Variants in PARN observed in about 807,000 individuals in gnomAD.
PARN encodes poly(A)-specific ribonuclease PARN.
PARN carries 71 observed loss-of-function variants against 102.8 expected under a neutral mutation model. That is an observed-to-expected ratio of 0.69 (90% confidence interval 0.57 to 0.84). PARN has a LOEUF of 0.84. Among genes scored for constraint, PARN ranks in the 40% least tolerant of loss-of-function variants. The probability of loss-of-function intolerance (pLI) is 0.00; values close to 1 mark genes in which losing one functional copy is unlikely to be tolerated. For missense variants in PARN, 782 were observed against 760.9 expected (o/e 1.03, Z -0.33); for synonymous variants, 261 against 252.9 (o/e 1.03, Z -0.30).
intron 18 of PARN, among the ~76,000 whole-genome samples, chr16:14,572,572 T>C (rs545297194): frequency 1.3e-5 from 2 of 152,230 alleles, no homozygotes; most frequent in Non-Finnish European, 2.9e-5. Flanking sequence ...ACAGCTGTTA[T>C]GTATACCTAT....
In PARN at chr16:14,584,402, G is replaced by T; in HGVS notation, c.1026C>A (p.Ser342=). 6.2e-7 allele frequency: 1 copy of T among 1,613,020 alleles called. No individual in the cohort carries two copies. The highest frequency in any genetic ancestry group is 2.2e-5 in the East Asian group (1 of 44,840). ...QPFKDIINNT[S]LAELEKRLKE... is the part of the protein sequence containing the mutation. The stretch of plus-strand genomic sequence containing the variant: ...TTAACCGCTTTTCCAATTCCGCAAG[G>T]GATGTGTTGTTAATGATATCCTGCA... The change falls in exon 16 of 24, where the codon TCC becomes TCA. Residue 342 remains serine, a synonymous_variant. Transcript: ENST00000437198.
intron 21 of PARN, among the ~76,000 whole-genome samples, chr16:14,485,774 G>A (rs1386700319): frequency 4.0e-5 from 6 of 151,856 alleles, no homozygotes; most frequent in Non-Finnish European, 8.8e-5. Context: ...TGCAACCTCC[G>A]CCTCCCGGGT....
intron 21 of PARN, among the ~76,000 whole-genome samples, chr16:14,524,173 C>T (rs1439186317): frequency 6.6e-6 from 1 of 152,148 alleles, no homozygotes; most frequent in Non-Finnish European, 1.5e-5. Context: ...TTTTCTTACC[C>T]TAAGACACTT....
chr16:14,507,447 A>G (rs1467350503), intron 21 of PARN, among the ~76,000 whole-genome samples: 1 of 152,136 alleles, frequency 6.6e-6, no homozygotes, highest in Admixed American at 6.6e-5. Context: ...CTGTAATCCC[A>G]GCATTTTGGG....
At chr16:14,513,581 GCCTA>G (rs1965310497) in intron 21 of PARN, among the ~76,000 whole-genome samples, 1 of 152,140 alleles carries the variant, frequency 6.6e-6, no homozygotes, top group Non-Finnish European at 1.5e-5. Flanking sequence ...TCTGCACATG[GCCTA>G]CCTGTCTTCC....
intron 21 of PARN, among the ~76,000 whole-genome samples, chr16:14,500,537 G>A (rs1182298569): frequency 6.6e-6 from 1 of 152,070 alleles, no homozygotes; most frequent in Non-Finnish European, 1.5e-5. Context: ...AGGGCTATAG[G>A]CACGTGCCAC....
At chr16:14,604,363 C>G (rs893212923) in intron 10 of PARN, 137 bp from the exon 11 acceptor site, 9 of 606,816 alleles carry the variant, frequency 1.5e-5, no homozygotes, top group Admixed American at 3.0e-5. Context: ...TGGGTTCAAG[C>G]GATTATCTTA....
At chr16:14,522,430 C>G (rs1010252631) in intron 21 of PARN, among the ~76,000 whole-genome samples, 36 of 152,120 alleles carry the variant, frequency 2.4e-4, no homozygotes, top group African/African-American at 8.5e-4. Flanking sequence ...AATCTAGCTA[C>G]CTGGGAGGTT....
Position 14,503,555 on chromosome 16 carries a change from G to A in PARN, c.1481-20728C>T, listed in dbSNP as rs140701572. On this transcript the variant is annotated intron_variant, in intron 21 of 23. Transcript: ENST00000437198. ...TACCTGTGGACACAACAGAAAGGTG[G>A]GAATCCTGTCCTATAAATTCAGGTT... Among the ~76,000 whole-genome samples, 399 of 152,276 alleles carry A rather than the reference G, an allele frequency of 2.6e-3. 2 individuals are homozygous for A. Among genetic ancestry groups the A allele is most frequent in the Non-Finnish European group, 4.8e-3 (324 of 68,008 alleles).
intron 23 of PARN, 64 bp downstream of exon 23, chr16:14,446,824 T>C (rs1202884064): frequency 1.1e-5 from 13 of 1,164,948 alleles, no homozygotes; most frequent in Non-Finnish European, 1.6e-5. Flanking sequence ...TCCCCCAAAA[T>C]AGGAGTTTCT....
At chr16:14,457,063 GATAAA>G (rs1961714216) in intron 22 of PARN, among the ~76,000 whole-genome samples, 1 of 152,168 alleles carries the variant, frequency 6.6e-6, no homozygotes, top group African/African-American at 2.4e-5. Flanking sequence ...TTGCTGAATG[GATAAA>G]ATAAATGAAA....
At chr16:14,557,009 A>T (rs1328059412) in intron 18 of PARN, among the ~76,000 whole-genome samples, 2 of 152,260 alleles carry the variant, frequency 1.3e-5, no homozygotes, top group African/African-American at 4.8e-5. Context: ...AAAGGCACTT[A>T]TAAAAGAGTG....
intron 22 of PARN, among the ~76,000 whole-genome samples, chr16:14,472,365 A>C (rs1962797747): frequency 6.6e-6 from 1 of 152,328 alleles, no homozygotes; most frequent in South Asian, 2.1e-4. Flanking sequence ...CTTTCTTACA[A>C]GTGTGCAGCT....
At chr16:14,578,996 T>C (rs1254557401) in intron 18 of PARN, among the ~76,000 whole-genome samples, 1 of 152,068 alleles carries the variant, frequency 6.6e-6, no homozygotes, top group Admixed American at 6.5e-5. Flanking sequence ...TTTTTTTCTT[T>C]TTTTTTTTGA....
intron 22 of PARN, among the ~76,000 whole-genome samples, chr16:14,462,122 C>T (rs578180104): frequency 6.6e-6 from 1 of 152,222 alleles, no homozygotes; most frequent in East Asian, 1.9e-4. Flanking sequence ...ATATCAGAAC[C>T]ATGCACAGAG....
chr16:14,444,736 G>A lies in PARN; in HGVS notation c.1864+2152C>T, dbSNP rs569211540. 1.0e-3 allele frequency among the ~76,000 whole-genome samples: 155 copies of A among 152,252 alleles called. 1 individual carries two copies. Among genetic ancestry groups the A allele is most frequent in the African/African-American group, 3.4e-3 (142 of 41,560 alleles). On this transcript the variant is annotated intron_variant, in intron 23 of 23. Coordinates refer to ENST00000437198, the MANE Select transcript of PARN (RefSeq NM_002582.4). ...GACATTCATTATTTTAACATTTGTT[G>A]AGCACACGAAACATGACAGTGGTAA...
chr16:14,446,122 T>C (rs1425689369), intron 23 of PARN, among the ~76,000 whole-genome samples: 1 of 152,236 alleles, frequency 6.6e-6, no homozygotes, highest in Non-Finnish European at 1.5e-5. Context: ...GCCTTTTCCA[T>C]GTGCTGACTG....
intron 22 of PARN, among the ~76,000 whole-genome samples, chr16:14,460,930 C>A (rs1008426073): frequency 1.7e-4 from 26 of 152,320 alleles, no homozygotes; most frequent in African/African-American, 6.0e-4. Flanking sequence ...ACAGTAACTT[C>A]ATGTGGAGAG....
intron 13 of PARN, among the ~76,000 whole-genome samples, chr16:14,592,858 C>T (rs946059920): frequency 3.3e-5 from 5 of 152,182 alleles, no homozygotes; most frequent in African/African-American, 1.2e-4. Flanking sequence ...AAGTTTGTGG[C>T]CAGGCGTGGT....
Sources: gnomAD v4.1 joint callset for allele counts (sites outside exome capture counted in the v4.1 genomes callset) on GRCh38, gnomAD v4.1.1 for gene constraint, MANE v1.5 for transcripts, NCBI Gene and HGNC (gene_info 2026-07-23, HGNC 2026-07-21) for gene names.